The following FOXO1 variants were observed in gnomAD, a reference collection of about 807,000 sequenced individuals.
FOXO1 encodes the protein forkhead box O1, also known as forkhead box protein O1.
In FOXO1, 6 loss-of-function variants were observed where a neutral mutation model predicts 44.1. The observed-to-expected ratio is 0.14, with a 90% CI of 0.07 to 0.27. The LOEUF (loss-of-function observed/expected upper bound fraction) is 0.27. Ranked by LOEUF, FOXO1 falls within the 10% of genes least tolerant of loss-of-function variation. FOXO1 has a pLI of 1.00. For missense variants in FOXO1, 737 were observed against 888.8 expected, an observed-to-expected ratio of 0.83 and a Z score of 2.17; for synonymous variants, 380 against 362.7, an observed-to-expected ratio of 1.05 and a Z score of -0.54.
At chr13:40,634,672 T>C (rs1311488939) in intron 1 of FOXO1, among the ~76,000 whole-genome samples, 3 of 150,700 alleles carry the variant, frequency 2.0e-5, no homozygotes, top group South Asian at 2.1e-4. Flanking sequence ...GCAACAAAGG[T>C]GGCTTTAGTA....
At chr13:40,580,998 G>A (rs1015373666) in intron 1 of FOXO1, among the ~76,000 whole-genome samples, 3 of 152,206 alleles carry the variant, frequency 2.0e-5, no homozygotes, top group African/African-American at 7.2e-5. Flanking sequence ...CTTGGGTTAT[G>A]GTCAGGGCAA....
At chr13:40,653,618 T>G (rs1293719613) in intron 1 of FOXO1, among the ~76,000 whole-genome samples, 1 of 152,200 alleles carries the variant, frequency 6.6e-6, no homozygotes, top group African/African-American at 2.4e-5. Context: ...CCTTTCCTCA[T>G]TAGGCCCAAA....
At chr13:40,618,488 G>C (rs549473509) in intron 1 of FOXO1, among the ~76,000 whole-genome samples, 28 of 152,302 alleles carry the variant, frequency 1.8e-4, no homozygotes, top group African/African-American at 6.7e-4. Context: ...TTGTATTCTG[G>C]TGGATGATTT....
chr13:40,592,519 T>C (rs1003914816), intron 1 of FOXO1, among the ~76,000 whole-genome samples: 3 of 152,228 alleles, frequency 2.0e-5, no homozygotes, highest in African/African-American at 7.2e-5. Context: ...CCCTGATTAC[T>C]ACATTCCTCC....
At chr13:40,620,734 G>A (rs1300691818) in intron 1 of FOXO1, among the ~76,000 whole-genome samples, 3 of 151,708 alleles carry the variant, frequency 2.0e-5, no homozygotes, top group South Asian at 2.1e-4. Flanking sequence ...TGACAATAGG[G>A]GTAGCATGTA....
At chr13:40,620,670 C>T (rs1215897070) in intron 1 of FOXO1, among the ~76,000 whole-genome samples, 1 of 152,048 alleles carries the variant, frequency 6.6e-6, no homozygotes, top group African/African-American at 2.4e-5. Context: ...CCCAAGGAGA[C>T]AGCACTGAAA....
At chr13:40,642,132 TA>T (rs1321786059) in intron 1 of FOXO1, among the ~76,000 whole-genome samples, 2 of 152,236 alleles carry the variant, frequency 1.3e-5, no homozygotes, top group Non-Finnish European at 2.9e-5. Context: ...TTTATGAGAC[TA>T]AAATAAAAGG....
chr13:40,623,973 G>T (rs576152029), intron 1 of FOXO1, among the ~76,000 whole-genome samples: 6 of 149,084 alleles, frequency 4.0e-5, no homozygotes, highest in Non-Finnish European at 5.9e-5. Flanking sequence ...GCACGGTGGC[G>T]CACGCCTGTA....
intron 1 of FOXO1, among the ~76,000 whole-genome samples, chr13:40,594,399 G>T (rs1028182990): frequency 1.3e-5 from 2 of 152,138 alleles, no homozygotes; most frequent in African/African-American, 2.4e-5. Context: ...TCATTTCAGG[G>T]TTAAGGAAAC....
chr13:40,621,973 T>C (rs1274452760), intron 1 of FOXO1, among the ~76,000 whole-genome samples: 2 of 152,224 alleles, frequency 1.3e-5, no homozygotes, highest in African/African-American at 4.8e-5. Flanking sequence ...GGCAAGATCA[T>C]CTCAGAGAGA....
At chr13:40,585,113 A>T (rs1377131200) in intron 1 of FOXO1, among the ~76,000 whole-genome samples, 1 of 152,216 alleles carries the variant, frequency 6.6e-6, no homozygotes, top group Admixed American at 6.5e-5. Context: ...AAATAATAAA[A>T]GGCAATTCAT....
chr13:40,642,518 C>G (rs1877385488), intron 1 of FOXO1, among the ~76,000 whole-genome samples: 1 of 152,196 alleles, frequency 6.6e-6, no homozygotes, highest in Admixed American at 6.5e-5. Flanking sequence ...ATAAGCTTGG[C>G]AAACTTACCC....
intron 1 of FOXO1, among the ~76,000 whole-genome samples, chr13:40,652,107 G>C (rs1273441198): frequency 3.3e-5 from 5 of 152,048 alleles, no homozygotes; most frequent in African/African-American, 1.2e-4. Flanking sequence ...TACAAGTTTT[G>C]CAAGTTCCCC....
At chr13:40,566,035 T>C (rs1874254916) in intron 1 of FOXO1, among the ~76,000 whole-genome samples, 1 of 152,194 alleles carries the variant, frequency 6.6e-6, no homozygotes, top group African/African-American at 2.4e-5. Flanking sequence ...TCAGCCAATG[T>C]CACTAGAATA....
At chr13:40,658,602 T>C (rs779533715) in intron 1 of FOXO1, among the ~76,000 whole-genome samples, 45 of 152,088 alleles carry the variant, frequency 3.0e-4, no homozygotes, top group South Asian at 8.3e-4. Context: ...GGTATACTTA[T>C]GAATGAGGAT....
At chr13:40,636,722 T>C (rs949863686) in intron 1 of FOXO1, among the ~76,000 whole-genome samples, 1 of 151,902 alleles carries the variant, frequency 6.6e-6, no homozygotes, top group Non-Finnish European at 1.5e-5. Flanking sequence ...CTCAAACTCC[T>C]GACCTCAGGT....
At chr13:40,664,822 C>A (rs1878167691) in intron 1 of FOXO1, among the ~76,000 whole-genome samples, 1 of 151,152 alleles carries the variant, frequency 6.6e-6, no homozygotes, top group Admixed American at 6.6e-5. Flanking sequence ...ACCGCCACCG[C>A]CACCGCCACC....
intron 1 of FOXO1, among the ~76,000 whole-genome samples, chr13:40,563,214 G>C (rs373383843): frequency 7.2e-4 from 109 of 152,328 alleles, no homozygotes; most frequent in Non-Finnish European, 1.2e-3. Context: ...CCGGGCCCGA[G>C]TGCCAACCAC....
chr13:40,580,253 C>T (rs1874906582), intron 1 of FOXO1, among the ~76,000 whole-genome samples: 1 of 152,152 alleles, frequency 6.6e-6, no homozygotes, highest in Admixed American at 6.5e-5. Flanking sequence ...AATGTTTATA[C>T]AACACACACA....
Sources: allele counts gnomAD v4.1 joint callset (sites outside exome capture counted in the v4.1 genomes callset), GRCh38; gene constraint gnomAD v4.1.1; transcripts MANE v1.5; gene names NCBI Gene and HGNC (gene_info 2026-07-23, HGNC 2026-07-21).